CERS6: variants seen among roughly 807,000 people sequenced by gnomAD.
CERS6 encodes the protein ceramide synthase 6.
CERS6 carries 26 observed loss-of-function variants against 56.8 expected under a neutral mutation model. The observed-to-expected ratio is 0.46, with a 90% confidence interval of 0.34 to 0.63. The LOEUF is 0.63. Among genes scored for constraint, CERS6 ranks in the 30% least tolerant of loss-of-function variants. The pLI is 0.01. For synonymous variants in CERS6, 164 were observed against 173.3 expected (o/e 0.95, Z 0.42); for missense variants, 415 against 467.5 (o/e 0.89, Z 1.04).
intron 1 of CERS6, among the ~76,000 whole-genome samples, chr2:168,492,659 T>G (rs1694395287): frequency 6.6e-6 from 1 of 152,226 alleles, no homozygotes; most frequent in African/African-American, 2.4e-5. Context: ...TTGCCATTGC[T>G]TTTGGTGTTT....
At chr2:168,495,558 A>G (rs1694451676) in intron 1 of CERS6, among the ~76,000 whole-genome samples, 1 of 152,192 alleles carries the variant, frequency 6.6e-6, no homozygotes, top group South Asian at 2.1e-4. Context: ...AAACAAACAA[A>G]CAAAACTTCC....
Position 168,708,695 on chromosome 2 carries a change from C to A in CERS6, c.610-6306C>A, listed in dbSNP as rs922926700. Among the ~76,000 whole-genome samples the A allele has an allele frequency of 3.3e-5, 5 of 152,102 alleles. 1 individual carries two copies. In the East Asian group the frequency reaches 9.7e-4, roughly 29 times the overall value. ...TCATTTGCATCGAAGGGAGAAGAGC[C>A]TTTTTTCTTGCACTTCAGAAGTATT... On this transcript the variant is annotated intron_variant, in intron 6 of 9. Coordinates refer to ENST00000305747, the MANE Select transcript of CERS6 (RefSeq NM_203463.3).
intron 8 of CERS6, among the ~76,000 whole-genome samples, chr2:168,739,580 G>A: frequency 6.6e-6 from 1 of 152,124 alleles, no homozygotes; most frequent in East Asian, 1.9e-4. Flanking sequence ...GAGTTAAGAG[G>A]AGTGGCAGAT....
intron 8 of CERS6, among the ~76,000 whole-genome samples, chr2:168,728,901 G>A (rs1188442147): frequency 3.3e-5 from 5 of 151,588 alleles, no homozygotes; most frequent in East Asian, 2.0e-4. Flanking sequence ...CCAGCTACTC[G>A]GGAGGCTGAG....
intron 2 of CERS6, among the ~76,000 whole-genome samples, chr2:168,559,423 A>T (rs1435435837): frequency 6.6e-6 from 1 of 152,082 alleles, no homozygotes; most frequent in Non-Finnish European, 1.5e-5. Context: ...CAGCATGCAG[A>T]TGTGGCTGAC....
At position 168,639,681 on chromosome 2, in the gene CERS6, G is replaced by C. The variant is rs551058169; in HGVS notation, c.465+8639G>C. On this transcript the variant is annotated intron_variant, in intron 4 of 9. Coordinates refer to ENST00000305747, the MANE Select transcript of CERS6 (RefSeq NM_203463.3). ...TCTTGTCTGGGTGTGTTTGGGATGG[G>C]GGTGGGGTGCTTAGGACAAGTACTT... Among the ~76,000 whole-genome samples, 159 of 152,198 alleles carry C rather than the reference G, an allele frequency of 1.0e-3. 4 individuals carry two copies. In the South Asian group the frequency reaches 0.032, roughly 31 times the overall value.
At position 168,464,943 on chromosome 2, in the gene CERS6, G is replaced by T. The variant is rs144521249; in HGVS notation, c.170+8325G>T. Among the ~76,000 whole-genome samples the T allele has an allele frequency of 4.4e-3, 668 of 152,258 alleles. 5 individuals are homozygous for T. The highest frequency in any genetic ancestry group is 6.5e-3 in the Non-Finnish European group (442 of 68,026). ...TTGGATCTGTTGTGCACTGTTGGTG[G>T]GAATGTAAAATGGTGCAACTGCTAT... On this transcript the variant is annotated intron_variant, in intron 1 of 9. Transcript: ENST00000305747.
intron 8 of CERS6, among the ~76,000 whole-genome samples, chr2:168,720,755 AT>A (rs1687344580): frequency 6.6e-6 from 1 of 152,234 alleles, no homozygotes; most frequent in South Asian, 2.1e-4. Flanking sequence ...AAGTGAGATT[AT>A]TTATTTAACG....
At chr2:168,733,341 G>A (rs1262110237) in intron 8 of CERS6, among the ~76,000 whole-genome samples, 1 of 152,166 alleles carries the variant, frequency 6.6e-6, no homozygotes, top group Admixed American at 6.5e-5. Flanking sequence ...CTCTGGACCA[G>A]TATCTTGAGA....
At chr2:168,494,859 T>C (rs1350023883) in intron 1 of CERS6, among the ~76,000 whole-genome samples, 3 of 152,294 alleles carry the variant, frequency 2.0e-5, no homozygotes, top group African/African-American at 7.2e-5. Flanking sequence ...TTTGATTCCC[T>C]GTATGGCTTG....
chr2:168,555,996 G>A (rs943765358), intron 2 of CERS6, among the ~76,000 whole-genome samples: 2 of 151,894 alleles, frequency 1.3e-5, no homozygotes, highest in Admixed American at 1.3e-4. Context: ...TATTTAAGAT[G>A]TACAATACAA....
At chr2:168,758,975 C>T (rs1684491738) in intron 8 of CERS6, among the ~76,000 whole-genome samples, 1 of 152,156 alleles carries the variant, frequency 6.6e-6, no homozygotes, top group Non-Finnish European at 1.5e-5. Context: ...AACTGTTCTG[C>T]ATGAATGTAT....
intron 6 of CERS6, among the ~76,000 whole-genome samples, chr2:168,704,084 C>T (rs1686871909): frequency 6.6e-6 from 1 of 152,126 alleles, no homozygotes; most frequent in Non-Finnish European, 1.5e-5. Context: ...TCAGTAGTGG[C>T]TTACGCTGGC....
chr2:168,657,462 G>A (rs1219179029), intron 4 of CERS6, among the ~76,000 whole-genome samples: 3 of 152,252 alleles, frequency 2.0e-5, no homozygotes, highest in African/African-American at 4.8e-5. Context: ...TTGGGTGGTC[G>A]ATGGGACTGG....
At chr2:168,592,688 G>A (rs935960110) in intron 3 of CERS6, among the ~76,000 whole-genome samples, 3 of 152,042 alleles carry the variant, frequency 2.0e-5, no homozygotes, top group Non-Finnish European at 4.4e-5. Flanking sequence ...AGGGTGGAGG[G>A]GTGGATTTTC....
At chr2:168,493,264 C>T (rs186920300) in intron 1 of CERS6, among the ~76,000 whole-genome samples, 1 of 152,132 alleles carries the variant, frequency 6.6e-6, no homozygotes, top group Middle Eastern at 3.2e-3. Flanking sequence ...TCTGAAACAT[C>T]TGATCTCTCC....
intron 4 of CERS6, chr2:168,644,458 G>A (rs2105309242): frequency 1.7e-5 from 10 of 576,650 alleles, no homozygotes; most frequent in Non-Finnish European, 2.0e-5. Flanking sequence ...AGTAGGGAAA[G>A]CATAAAGAAA....
chr2:168,520,712 C>T lies in CERS6; in HGVS notation c.171-26884C>T, dbSNP rs1331867328. Among the ~76,000 whole-genome samples, 11 of 140,864 alleles carry T rather than the reference C, an allele frequency of 7.8e-5. No homozygotes were observed. In the East Asian group the frequency reaches 1.1e-3, roughly 15 times the overall value. 92.4% of individuals were successfully genotyped at this position (140,864 alleles called of 152,430 possible). The stretch of plus-strand genomic sequence containing the variant: ...GCAACCTCCGCCTCCTGGGTTCAAG[C>T]GATTCTTGTGCCTCAGCCTCCTTAG... On this transcript the variant is annotated intron_variant, in intron 1 of 9. Coordinates refer to ENST00000305747, the MANE Select transcript of CERS6 (RefSeq NM_203463.3).
chr2:168,637,388 A>G (rs960715710), intron 4 of CERS6, among the ~76,000 whole-genome samples: 1 of 152,172 alleles, frequency 6.6e-6, no homozygotes, highest in South Asian at 2.1e-4. Context: ...AGGCTGAGGC[A>G]GGAGAATTGC....
Sources: allele counts gnomAD v4.1 joint callset (sites outside exome capture counted in the v4.1 genomes callset), GRCh38; gene constraint gnomAD v4.1.1; transcripts MANE v1.5; gene names NCBI Gene and HGNC (gene_info 2026-07-23, HGNC 2026-07-21).